EIF2AK1: variants seen among roughly 807,000 people sequenced by gnomAD.
The protein encoded by EIF2AK1 is eukaryotic translation initiation factor 2-alpha kinase 1.
Under a neutral mutation model 77.9 loss-of-function variants are expected in EIF2AK1, and 54 were observed. The observed-to-expected ratio is 0.69, with a 90% confidence interval of 0.56 to 0.87. The LOEUF (loss-of-function observed/expected upper bound fraction) is 0.87. EIF2AK1 is among the 40% of genes least tolerant of loss of function. EIF2AK1 has a pLI of 0.00. For missense variants in EIF2AK1, 810 were observed against 768.6 expected (o/e 1.05, Z -0.64); for synonymous variants, 314 against 290.5 (o/e 1.08, Z -0.82).
chr7:6,050,840 T>C (rs1293360257), intron 2 of EIF2AK1, among the ~76,000 whole-genome samples: 1 of 152,010 alleles, frequency 6.6e-6, no homozygotes, highest in African/African-American at 2.4e-5. Context: ...CCTGACCTCG[T>C]GATCCACCCA....
At chr7:6,029,899 G>A (rs1351997415) in intron 11 of EIF2AK1, among the ~76,000 whole-genome samples, 1 of 152,000 alleles carries the variant, frequency 6.6e-6, no homozygotes, top group Non-Finnish European at 1.5e-5. Context: ...AGAATTGCTT[G>A]AACCTGGGAG....
rs911465800 is a variant in EIF2AK1 at position 6,035,948 on chromosome 7, C to T, written c.1332+1476G>A. The T allele has an allele frequency of 6.5e-7, 1 of 1,548,782 alleles. No homozygotes were observed. The highest frequency in any genetic ancestry group is 8.7e-7 in the Non-Finnish European group (1 of 1,145,746). ...TCACTCACGGAGCCAAAGTCAACGC[C>T]CAGGACTACAAGGGCCAAACAGCCA... On this transcript the variant is annotated intron_variant, in intron 11 of 14. Coordinates refer to ENST00000199389, the MANE Select transcript of EIF2AK1 (RefSeq NM_014413.4). This position sits in a 1 kb window ranked among gnomAD's most constrained non-coding sequence, Gnocchi z 5.5.
chr7:6,054,181 G>A (rs879351729), intron 2 of EIF2AK1, among the ~76,000 whole-genome samples: 1 of 150,984 alleles, frequency 6.6e-6, no homozygotes, highest in Admixed American at 6.7e-5. Flanking sequence ...GAATAAGTGA[G>A]AACAGCAACA....
Position 6,036,063 on chromosome 7 carries a change from G to C in EIF2AK1, c.1332+1361C>G, listed in dbSNP as rs963423975. On this transcript the variant is annotated intron_variant, in intron 11 of 14. Coordinates refer to ENST00000199389, the MANE Select transcript of EIF2AK1 (RefSeq NM_014413.4). The surrounding 1 kb of genome is among the most constrained non-coding windows in gnomAD (Gnocchi z 4.6). ...TGTTAACATTTTAACAAGAAACGGG[G>C]AATCTCCAATTTATATGTACCTTCA... The C allele has an allele frequency of 3.2e-5, 49 of 1,550,826 alleles. No individual in the cohort carries two copies. Among genetic ancestry groups the C allele is most frequent in the Non-Finnish European group, 4.3e-5 (49 of 1,147,122 alleles).
intron 11 of EIF2AK1, among the ~76,000 whole-genome samples, chr7:6,031,129 T>C (rs560409992): frequency 6.6e-6 from 1 of 152,348 alleles, no homozygotes; most frequent in South Asian, 2.1e-4. Flanking sequence ...AATAAAGGTG[T>C]AAGATGATAG....
Position 6,035,477 on chromosome 7 carries a change from G to A in EIF2AK1, c.1332+1947C>T. On this transcript the variant is annotated intron_variant, in intron 11 of 14. Transcript: ENST00000199389. This position sits in a 1 kb window ranked among gnomAD's most constrained non-coding sequence, Gnocchi z 5.5. ...CAGGCCTCACCACACTCAACTTAAT[G>A]CTACTGCACTGGCCAGTCACTTCCA... 1 of 1,550,826 alleles carries A rather than the reference G, an allele frequency of 6.4e-7. No individual in the cohort carries two copies. Among genetic ancestry groups the A allele is most frequent in the Non-Finnish European group, 8.7e-7 (1 of 1,147,050 alleles).
At chr7:6,040,423 G>A (rs1283200351) in intron 9 of EIF2AK1, among the ~76,000 whole-genome samples, 1 of 152,126 alleles carries the variant, frequency 6.6e-6, no homozygotes, top group South Asian at 2.1e-4. Flanking sequence ...GCCATGGAAG[G>A]AGGGTTGTAT....
intron 5 of EIF2AK1, 174 bp from the exon 6 acceptor site, chr7:6,046,325 T>G: frequency 2.6e-6 from 1 of 385,170 alleles, no homozygotes; most frequent in Admixed American, 4.7e-5. Context: ...GCTTTTCAGA[T>G]AGTGTTGGAA....
rs1409074619 is a variant in EIF2AK1 at position 6,047,366 on chromosome 7, G to C, written c.450-275C>G. On this transcript the variant is annotated intron_variant, in intron 4 of 14. Coordinates refer to ENST00000199389, the MANE Select transcript of EIF2AK1 (RefSeq NM_014413.4). ...TAACAGCCAGCAGTTGGTTAGCTAA[G>C]CTCAGAAATAAATTTACTGAAATTT... 3 of 477,212 alleles carry C rather than the reference G, an allele frequency of 6.3e-6. No homozygotes were observed. The Admixed American group carries it at 9.1e-5, about 14-fold the overall frequency. 29.6% of individuals were successfully genotyped at this position (477,212 alleles called of 1,614,324 possible).
rs1016070154 is a variant in EIF2AK1 at position 6,031,343 on chromosome 7, C to T, written c.1333-2311G>A. The T allele has an allele frequency of 2.6e-6, 4 of 1,533,490 alleles. No homozygotes were observed. In the African/African-American group the frequency reaches 5.5e-5, roughly 21 times the overall value. 95.0% of individuals were successfully genotyped at this position (1,533,490 alleles called of 1,614,324 possible). A position where few individuals can be genotyped will look rare whatever the true frequency, so the allele number is the denominator to read the frequency against. ...AGACTGAAACTGACCAATTCCATAACAACATTTTCCCCTGAAGTCTTAAGT... is the reference window on the plus strand; with the variant it reads ...AGACTGAAACTGACCAATTCCATAATAACATTTTCCCCTGAAGTCTTAAGT... On this transcript the variant is annotated intron_variant, in intron 11 of 14. Coordinates refer to ENST00000199389, the MANE Select transcript of EIF2AK1 (RefSeq NM_014413.4).
intron 11 of EIF2AK1, among the ~76,000 whole-genome samples, chr7:6,034,335 C>T (rs1361759965): frequency 2.0e-5 from 3 of 151,912 alleles, no homozygotes; most frequent in African/African-American, 4.8e-5. Context: ...GAACTTCTTG[C>T]CCCAAATCCT....
At position 6,037,522 on chromosome 7, in the gene EIF2AK1, G is replaced by T; in HGVS notation, c.1234C>A (p.Pro412Thr). The T allele has an allele frequency of 6.3e-7, 1 of 1,593,638 alleles. No homozygotes were observed. The highest frequency in any genetic ancestry group is 8.6e-7 in the Non-Finnish European group (1 of 1,166,474). The change falls in exon 11 of 15, where the codon CCT becomes ACT. Residue 412 changes from proline (P) to threonine (T), a missense_variant and splice_region_variant. Coordinates refer to ENST00000199389, the MANE Select transcript of EIF2AK1 (RefSeq NM_014413.4). ...GTTGCAACATTGGCCATAACATAAG[G>T]ACCTTGAAGTAAAAAAAAATAGTTT... ...GREYVDESAC[P>T]YVMANVATKI... is the part of the protein sequence containing the mutation.
Position 6,035,483 on chromosome 7 carries a change from G to A in EIF2AK1, c.1332+1941C>T, listed in dbSNP as rs1788051010. The A allele has an allele frequency of 5.2e-6, 8 of 1,550,872 alleles. No individual in the cohort carries two copies. The highest frequency in any genetic ancestry group is 7.0e-6 in the Non-Finnish European group (8 of 1,147,090). ...TCACCACACTCAACTTAATGCTACT[G>A]CACTGGCCAGTCACTTCCACCACGT... On this transcript the variant is annotated intron_variant, in intron 11 of 14. Transcript: ENST00000199389. This position sits in a 1 kb window ranked among gnomAD's most constrained non-coding sequence, Gnocchi z 5.5.
At chr7:6,025,462 T>C (rs772762966) in intron 14 of EIF2AK1, among the ~76,000 whole-genome samples, 3 of 152,008 alleles carry the variant, frequency 2.0e-5, no homozygotes, top group Non-Finnish European at 2.9e-5. Flanking sequence ...GCCCAATGCT[T>C]GTAACTCTTA....
At chr7:6,024,838 A>AC in intron 14 of EIF2AK1, 37 bp from the exon 15 acceptor site, 1 of 1,372,808 alleles carries the variant, frequency 7.3e-7, no homozygotes. Flanking sequence ...CATTAAAATA[A>AC]CTTTTTTTTT....
At chr7:6,031,685 C>T in intron 11 of EIF2AK1, 1 of 1,280,692 alleles carries the variant, frequency 7.8e-7, no homozygotes. Context: ...AAGCTCACGG[C>T]CCTTATGAGA....
intron 2 of EIF2AK1, among the ~76,000 whole-genome samples, chr7:6,051,496 C>G (rs547566357): frequency 6.6e-6 from 1 of 152,008 alleles, no homozygotes; most frequent in Admixed American, 6.6e-5. Flanking sequence ...GTGGAGCGAT[C>G]TCAGATCACT....
In EIF2AK1 at chr7:6,023,674, C is replaced by G. The variant is rs751316385; in HGVS notation, c.*999G>C. 13 of 1,614,000 alleles carry G rather than the reference C, an allele frequency of 8.1e-6. No individual in the cohort carries two copies. The highest frequency in any genetic ancestry group is 1.1e-5 in the Non-Finnish European group (13 of 1,180,040). Reference sequence around the variant, plus strand: ...AAACCTGGCTCCTTTTAACACGGCCCTCAAGCTCCTTAAGTGAATTGCCGT... The same window carrying G: ...AAACCTGGCTCCTTTTAACACGGCCGTCAAGCTCCTTAAGTGAATTGCCGT... On this transcript the variant is annotated 3_prime_UTR_variant, in exon 15 of 15. Transcript: ENST00000199389.
chr7:6,056,613 A>AAAAAAAAAAAAAAAATATAT, intron 1 of EIF2AK1, among the ~76,000 whole-genome samples: 1 of 43,730 alleles, frequency 2.3e-5, no homozygotes, highest in African/African-American at 8.2e-5. Flanking sequence ...AAAAAAAAAA[A>AAAAAAAAAAAAAAAATATAT]ATATATATAT....
Sources: gnomAD v4.1 joint callset for allele counts (sites outside exome capture counted in the v4.1 genomes callset) on GRCh38, gnomAD v4.1.1 for gene constraint, Gnocchi (gnomAD v3.1) non-coding constraint, MANE v1.5 for transcripts, NCBI Gene and HGNC (gene_info 2026-07-23, HGNC 2026-07-21) for gene names.